Variants in PLCG1 observed in about 807,000 individuals in gnomAD.
PLCG1 encodes phospholipase C gamma 1.
Under a neutral mutation model 177.8 loss-of-function variants are expected in PLCG1, and 71 were observed. That is an observed-to-expected ratio of 0.40 (90% CI 0.33 to 0.49). PLCG1 has a LOEUF of 0.49. PLCG1 is among the 20% of genes least tolerant of loss of function. PLCG1 has a pLI of 0.72. For missense variants in PLCG1, 1,281 were observed against 1,709.0 expected (o/e 0.75, Z 4.42); for synonymous variants, 658 against 647.9 (o/e 1.02, Z -0.24).
Position 41,167,781 on chromosome 20 carries a change from C to A in PLCG1, c.2302-71C>A. The stretch of plus-strand genomic sequence containing the variant: ...GCACTGGGGGAAAGGGAAGCTGCTC[C>A]AGAAACCAGTAGCTGCTTTCTACCT... On this transcript the variant is annotated intron_variant, in intron 19 of 31. Transcript: ENST00000685551. This position sits in a 1 kb window ranked among gnomAD's most constrained non-coding sequence, Gnocchi z 4.4. The A allele has an allele frequency of 8.9e-7, 1 of 1,127,480 alleles. No individual in the cohort carries two copies. Among genetic ancestry groups the A allele is most frequent in the Non-Finnish European group, 1.3e-6 (1 of 743,754 alleles). The allele number at this position is 1,127,480 out of a possible 1,614,324, so 69.8% of individuals were successfully genotyped here. A position where few individuals can be genotyped will look rare whatever the true frequency, so the allele number is the denominator to read the frequency against.
In PLCG1 at chr20:41,163,690, T is replaced by C; in HGVS notation, c.892-25T>C. The C allele has an allele frequency of 6.8e-7, 1 of 1,481,350 alleles. No individual in the cohort carries two copies. The allele number at this position is 1,481,350 out of a possible 1,614,324, so 91.8% of individuals were successfully genotyped here. A position where few individuals can be genotyped will look rare whatever the true frequency, so the allele number is the denominator to read the frequency against. The stretch of plus-strand genomic sequence containing the variant: ...GGACAGGGCAGGGACTCACTGTCTC[T>C]TCCCTTCCACATGTTTCTGGACAGT... On this transcript the variant is annotated intron_variant, in intron 9 of 31. Coordinates refer to ENST00000685551, the MANE Select transcript of PLCG1 (RefSeq NM_002660.3). The surrounding 1 kb of genome is among the most constrained non-coding windows in gnomAD (Gnocchi z 5.2).
rs1251301276 is a variant in PLCG1 at position 41,147,396 on chromosome 20, T to G, written c.217+9538T>G. Among the ~76,000 whole-genome samples the G allele has an allele frequency of 1.3e-5, 2 of 152,238 alleles. No homozygotes were observed. The highest frequency in any genetic ancestry group is 2.9e-5 in the Non-Finnish European group (2 of 68,034). On this transcript the variant is annotated intron_variant, in intron 1 of 31. Transcript: ENST00000685551. The surrounding 1 kb of genome is among the most constrained non-coding windows in gnomAD (Gnocchi z 4.0). ...GATGGCCTGGTTCTGGCCTGAGAAC[T>G]GGTCTACACCGGAAGCATGAAGCTC...
chr20:41,174,124 C>T lies in PLCG1; in HGVS notation c.3646C>T (p.Gln1216Ter). ...LIKIDIFPAK[Q>*]ENGDLSPFSG... is the part of the protein sequence containing the mutation. The stretch of plus-strand genomic sequence containing the variant: ...TCTTGTGCACCTGGCTTCGTTGAAG[C>T]AGGAGAATGGTGACCTCAGTCCCTT... Residue 1216 changes from glutamine (Q) to a stop codon, truncating the protein, a stop_gained and splice_region_variant, in exon 31 of 32, where the codon CAG (glutamine) becomes TAG (stop). Transcript: ENST00000685551. LOFTEE classifies it high-confidence loss of function. The surrounding 1 kb of genome is among the most constrained non-coding windows in gnomAD (Gnocchi z 5.8). 6.2e-7 allele frequency: 1 copy of T among 1,612,650 alleles called. No individual in the cohort carries two copies.
At chr20:41,149,344 T>A (rs1274404625) in intron 1 of PLCG1, among the ~76,000 whole-genome samples, 1 of 152,192 alleles carries the variant, frequency 6.6e-6, no homozygotes, top group East Asian at 1.9e-4. Flanking sequence ...TAATTTTGAA[T>A]AATAAAGCCA....
chr20:41,164,139 C>T lies in PLCG1; in HGVS notation c.1155C>T (p.Thr385=). Residue 385 remains threonine (T), a synonymous_variant, in exon 12 of 32, where the codon ACC becomes ACT. Transcript: ENST00000685551. The surrounding 1 kb of genome is among the most constrained non-coding windows in gnomAD (Gnocchi z 6.4). ...TTATTTACCATGGGCACACCCTTAC[C>T]ACCAAGATCAAGTTCTCAGATGTCC... ...MPVIYHGHTL[T]TKIKFSDVLH... 6.2e-7 allele frequency: 1 copy of T among 1,614,124 alleles called. No individual in the cohort carries two copies. Among genetic ancestry groups the T allele is most frequent in the Non-Finnish European group, 8.5e-7 (1 of 1,179,992 alleles).
At chr20:41,139,588 G>A (rs1219918104) in intron 1 of PLCG1, among the ~76,000 whole-genome samples, 1 of 152,128 alleles carries the variant, frequency 6.6e-6, no homozygotes, top group African/African-American at 2.4e-5. Flanking sequence ...TGTAAAATGG[G>A]GGTAATAATA....
At chr20:41,169,551 C>T in intron 23 of PLCG1, 25 bp downstream of exon 23, 1 of 1,552,644 alleles carries the variant, frequency 6.4e-7, no homozygotes, top group South Asian at 1.1e-5. Flanking sequence ...GTTTCTCTTG[C>T]CCACTGTTCC....
rs1364776776 is a variant in PLCG1 at position 41,163,316 on chromosome 20, G to T, written c.789+41G>T. On this transcript the variant is annotated intron_variant, in intron 8 of 31. Coordinates refer to ENST00000685551, the MANE Select transcript of PLCG1 (RefSeq NM_002660.3). The surrounding 1 kb of genome is among the most constrained non-coding windows in gnomAD (Gnocchi z 5.2). ...CATTGGCCCAGGCTGGTAGGTTGTG[G>T]GGGGCTGGGCTCATCCCTGACTGGA... 1 of 1,594,966 alleles carries T rather than the reference G, an allele frequency of 6.3e-7. No individual in the cohort carries two copies. The highest frequency in any genetic ancestry group is 1.1e-5 in the South Asian group (1 of 89,850).
intron 1 of PLCG1, among the ~76,000 whole-genome samples, chr20:41,155,186 C>G (rs930937648): frequency 6.6e-6 from 1 of 152,240 alleles, no homozygotes; most frequent in Admixed American, 6.5e-5. Context: ...TGCTTTAATG[C>G]TTAGAGCTGG....
Position 41,165,577 on chromosome 20 carries a change from GCTGGGCCAGGTCAGGC to G in PLCG1, c.1611+37_1612-36del, listed in dbSNP as rs2035655672. 1.9e-6 allele frequency: 3 copies of G among 1,611,388 alleles called. No individual in the cohort carries two copies. The highest frequency in any genetic ancestry group is 2.2e-5 in the East Asian group (1 of 44,854). On this transcript the variant is annotated intron_variant, in intron 15 of 31. Transcript: ENST00000685551. The surrounding 1 kb of genome is among the most constrained non-coding windows in gnomAD (Gnocchi z 6.6). ...GTGAGGAACCAGCTCAGGTCTGGGGGCTGGGCCAGGTCAGGCCTGGGCCAGGGTCACAGTATCTTTG... is the reference window on the plus strand; with the variant it reads ...GTGAGGAACCAGCTCAGGTCTGGGGGCTGGGCCAGGGTCACAGTATCTTTG...
chr20:41,174,267 C>T lies in PLCG1; in HGVS notation c.3789C>T (p.Ile1263=), dbSNP rs377158048. Residue 1263 remains isoleucine, a synonymous_variant, in exon 31 of 32, where the codon ATC becomes ATT. Transcript: ENST00000685551. This position sits in a 1 kb window ranked among gnomAD's most constrained non-coding sequence, Gnocchi z 5.8. ...RYQQPFEDFR[I]SQEHLADHFD... ...AGCAGCCGTTTGAGGACTTCCGCATCTCCCAGGAGCATCTCGCAGACCATT... is the reference window on the plus strand; with the variant it reads ...AGCAGCCGTTTGAGGACTTCCGCATTTCCCAGGAGCATCTCGCAGACCATT... The T allele has an allele frequency of 6.2e-7, 1 of 1,614,240 alleles. No individual in the cohort carries two copies. Among genetic ancestry groups the T allele is most frequent in the African/African-American group, 1.3e-5 (1 of 75,070 alleles).
rs1351917126 is a variant in PLCG1 at position 41,165,602 on chromosome 20, G to A, written c.1612-37G>A. Reference sequence around the variant, plus strand: ...GCTGGGCCAGGTCAGGCCTGGGCCAGGGTCACAGTATCTTTGCTGTTGCCT... The same window carrying A: ...GCTGGGCCAGGTCAGGCCTGGGCCAAGGTCACAGTATCTTTGCTGTTGCCT... On this transcript the variant is annotated intron_variant, in intron 15 of 31. Transcript: ENST00000685551. This position sits in a 1 kb window ranked among gnomAD's most constrained non-coding sequence, Gnocchi z 6.6. 1.9e-6 allele frequency: 3 copies of A among 1,612,738 alleles called. No homozygotes were observed. The highest frequency in any genetic ancestry group is 1.3e-5 in the African/African-American group (1 of 75,044).
At chr20:41,138,083 G>A (rs995689103) in intron 1 of PLCG1, 3 of 374,218 alleles carry the variant, frequency 8.0e-6, no homozygotes, top group African/African-American at 6.3e-5. Flanking sequence ...CCCCAGCTGG[G>A]GGGAGTGTTC....
At chr20:41,158,960 C>T (rs1343444012) in intron 1 of PLCG1, among the ~76,000 whole-genome samples, 3 of 152,190 alleles carry the variant, frequency 2.0e-5, no homozygotes, top group Non-Finnish European at 2.9e-5. Context: ...GTGAAGGCCA[C>T]GGGAGCATGC....
intron 1 of PLCG1, among the ~76,000 whole-genome samples, chr20:41,155,663 A>G (rs992574097): frequency 1.3e-5 from 2 of 152,058 alleles, no homozygotes; most frequent in African/African-American, 4.8e-5. Context: ...TATTTCACCC[A>G]AGTTTGGGTT....
rs35980938 is a variant in PLCG1 at position 41,157,204 on chromosome 20, C to CTGTGTGTGTGTGTGTGTGTGTGTGTGTG, written c.218-2392_218-2365dup. 2.1e-5 allele frequency among the ~76,000 whole-genome samples: 3 copies of CTGTGTGTGTGTGTGTGTGTGTGTGTGTG among 144,034 alleles called. No homozygotes were observed. The highest frequency in any genetic ancestry group is 2.1e-4 in the East Asian group (1 of 4,768). 94.5% of individuals were successfully genotyped at this position (144,034 alleles called of 152,430 possible). On this transcript the variant is annotated intron_variant, in intron 1 of 31. Transcript: ENST00000685551. The surrounding 1 kb of genome is among the most constrained non-coding windows in gnomAD (Gnocchi z 5.4). ...GTGCAGGAGTGCAGGCCTGTTGACT[C>CTGTGTGTGTGTGTGTGTGTGTGTGTGTG]TGTGTGTGTGTGTGTGTGTGTGTGT... is the stretch of plus-strand genomic sequence containing the variant.
intron 1 of PLCG1, among the ~76,000 whole-genome samples, chr20:41,143,713 A>C (rs1201163680): frequency 6.6e-6 from 1 of 152,216 alleles, no homozygotes; most frequent in Non-Finnish European, 1.5e-5. Context: ...ATTTGGGTTC[A>C]GGTCTCAGCT....
rs1235389354 is a variant in PLCG1 at position 41,166,575 on chromosome 20, C to T, written c.2100C>T (p.Asn700=). 1.2e-6 allele frequency: 2 copies of T among 1,614,202 alleles called. No individual in the cohort carries two copies. The highest frequency in any genetic ancestry group is 8.5e-7 in the Non-Finnish European group (1 of 1,180,044). The part of the protein sequence containing the change: ...AFLVRKRNEP[N]SYAISFRAEG... ...TGGTGCGGAAGCGGAATGAACCCAA[C>T]TCATATGCCATCTCTTTCCGGTGAG... The change falls in exon 18 of 32, where the codon AAC becomes AAT. Residue 700 remains asparagine (N), a synonymous_variant. Coordinates refer to ENST00000685551, the MANE Select transcript of PLCG1 (RefSeq NM_002660.3). The surrounding 1 kb of genome is among the most constrained non-coding windows in gnomAD (Gnocchi z 8.6).
intron 24 of PLCG1, among the ~76,000 whole-genome samples, chr20:41,171,307 C>T (rs1011726719): frequency 6.6e-5 from 10 of 152,140 alleles, no homozygotes; most frequent in Admixed American, 2.0e-4. Flanking sequence ...GCCACTGAGG[C>T]CGGGCGTGGT....
Sources: gnomAD v4.1 joint callset for allele counts (sites outside exome capture counted in the v4.1 genomes callset) on GRCh38, gnomAD v4.1.1 for gene constraint, Gnocchi (gnomAD v3.1) non-coding constraint, MANE v1.5 for transcripts, NCBI Gene and HGNC (gene_info 2026-07-23, HGNC 2026-07-21) for gene names.